The following AHCTF1 variants were observed in gnomAD, a reference collection of about 807,000 sequenced individuals.
The protein encoded by AHCTF1 is AT-hook containing transcription factor 1, also known as protein ELYS.
A neutral mutation model predicts 248.4 loss-of-function variants in AHCTF1; 24 were observed. The observed-to-expected ratio is 0.10, with a 90% CI of 0.07 to 0.14. The LOEUF is 0.14. Among genes scored for constraint, AHCTF1 ranks in the 10% least tolerant of loss-of-function variants. AHCTF1 has a pLI of 1.00. For synonymous variants in AHCTF1, 786 were observed against 929.8 expected (o/e 0.85, Z 2.81); for missense variants, 2,206 against 2,636.2 (o/e 0.84, Z 3.57).
At position 246,888,376 on chromosome 1, in the gene AHCTF1, A is replaced by C; in HGVS notation, c.2268+18T>G. On this transcript the variant is annotated intron_variant, in intron 18 of 35. Coordinates refer to ENST00000648844, the MANE Select transcript of AHCTF1 (RefSeq NM_001323342.2). Reference sequence around the variant, plus strand: ...AGCTTTGTAGACTCTAAATGATAGCACATTACTGCAAACCTACATGCAGAC... The same window carrying C: ...AGCTTTGTAGACTCTAAATGATAGCCCATTACTGCAAACCTACATGCAGAC... The C allele has an allele frequency of 3.7e-6, 6 of 1,612,842 alleles. No homozygotes were observed. The highest frequency in any genetic ancestry group is 5.1e-6 in the Non-Finnish European group (6 of 1,179,928).
At chr1:246,919,346 T>G (rs1434963735) in intron 1 of AHCTF1, among the ~76,000 whole-genome samples, 1 of 152,260 alleles carries the variant, frequency 6.6e-6, no homozygotes, top group East Asian at 1.9e-4. Flanking sequence ...ACCATGGCTC[T>G]GAGTCTCTTA....
chr1:246,843,648 G>A, intron 34 of AHCTF1, 147 bp downstream of exon 34: 1 of 695,504 alleles, frequency 1.4e-6, no homozygotes, highest in Non-Finnish European at 1.9e-6. Context: ...CTTTTGGTAT[G>A]CATGACTGTT....
At chr1:246,860,191 G>T (rs987242121) in intron 29 of AHCTF1, among the ~76,000 whole-genome samples, 387 of 23,932 alleles carry the variant, frequency 0.016, 2 homozygotes, top group African/African-American at 0.054. Context: ...ACCTGGTTGG[G>T]GGGGGGGCGG....
intron 14 of AHCTF1, among the ~76,000 whole-genome samples, chr1:246,892,561 T>A (rs970793151): frequency 6.6e-6 from 1 of 152,094 alleles, no homozygotes; most frequent in Non-Finnish European, 1.5e-5. Flanking sequence ...CCTCAGGTGA[T>A]CCGCCCGCCT....
intron 1 of AHCTF1, among the ~76,000 whole-genome samples, chr1:246,929,363 C>A (rs1224055971): frequency 6.6e-6 from 1 of 151,986 alleles, no homozygotes; most frequent in African/African-American, 2.4e-5. Context: ...GAGCCAAGAT[C>A]ACGCCATTGC....
rs1460385988 is a variant in AHCTF1 at position 246,853,317 on chromosome 1, G to C, written c.4355-18C>G. On this transcript the variant is annotated intron_variant, in intron 31 of 35. Transcript: ENST00000648844. ...AGCCATAGCTGAAAGAAAAATGAGT[G>C]AATTTTTTACATTTAAACTGAAAAA... The C allele has an allele frequency of 3.1e-6, 5 of 1,587,870 alleles. No homozygotes were observed. The African/African-American group carries it at 6.8e-5, about 21-fold the overall frequency.
intron 3 of AHCTF1, among the ~76,000 whole-genome samples, chr1:246,914,884 T>G (rs964707976): frequency 3.9e-5 from 6 of 152,210 alleles, no homozygotes; most frequent in Non-Finnish European, 7.3e-5. Flanking sequence ...GTGTTCTGAA[T>G]CTGCCCCATC....
rs749618388 is a variant in AHCTF1 at position 246,842,701 on chromosome 1, CTTGTT to C, written c.6596_6600del (p.Lys2199SerfsTer26). On this transcript the variant is annotated frameshift_variant, in exon 35 of 36. Transcript: ENST00000648844. LOFTEE classifies it low-confidence loss of function (END_TRUNC). ...CAGAACAGAAAGTCATACTTGCTTG[CTTGTT>C]TTGTTTTTGACGTCCTGATTCGTTT... 6.2e-7 allele frequency: 1 copy of C among 1,613,204 alleles called. No individual in the cohort carries two copies. The highest frequency in any genetic ancestry group is 1.1e-5 in the South Asian group (1 of 91,064).
At chr1:246,910,024 C>T (rs1665689408) in intron 4 of AHCTF1, among the ~76,000 whole-genome samples, 1 of 152,212 alleles carries the variant, frequency 6.6e-6, no homozygotes, top group Non-Finnish European at 1.5e-5. Context: ...ATCCACTGAT[C>T]ACTAATTGAA....
intron 1 of AHCTF1, among the ~76,000 whole-genome samples, chr1:246,920,291 T>C (rs1407420381): frequency 6.6e-6 from 1 of 152,006 alleles, no homozygotes; most frequent in African/African-American, 2.4e-5. Context: ...GTCTAATATA[T>C]TTGTGTAAAT....
rs2996543 is a variant in AHCTF1 at position 246,927,069 on chromosome 1, C to T, written c.-8+4509G>A. Among the ~76,000 whole-genome samples, 799 of 149,784 alleles carry T rather than the reference C, an allele frequency of 5.3e-3. 11 individuals carry two copies. Among genetic ancestry groups the T allele is most frequent in the African/African-American group, 0.017 (710 of 40,662 alleles). ...GACGGGAACCTGTAGTCCCAGGTAC[C>T]CGGGAGGCTGAGGAGGGAGAATGGC... On this transcript the variant is annotated intron_variant, in intron 1 of 35. Coordinates refer to ENST00000648844, the MANE Select transcript of AHCTF1 (RefSeq NM_001323342.2).
At chr1:246,890,784 G>A (rs1183331734) in intron 16 of AHCTF1, among the ~76,000 whole-genome samples, 172 bp downstream of exon 16, 2 of 152,192 alleles carry the variant, frequency 1.3e-5, no homozygotes, top group African/African-American at 4.8e-5. Context: ...GGCATAGGAT[G>A]AAGATACAAA....
At chr1:246,854,738 A>G (rs1660986449) in intron 31 of AHCTF1, among the ~76,000 whole-genome samples, 1 of 152,182 alleles carries the variant, frequency 6.6e-6, no homozygotes, top group South Asian at 2.1e-4. Context: ...AAAACTATTA[A>G]TATTTTACCA....
chr1:246,929,207 G>A (rs1355260105), intron 1 of AHCTF1, among the ~76,000 whole-genome samples: 2 of 152,020 alleles, frequency 1.3e-5, no homozygotes, highest in Non-Finnish European at 2.9e-5. Context: ...TCAGGAGTTC[G>A]AGATCACCCT....
rs753888818 is a variant in AHCTF1 at position 246,898,284 on chromosome 1, T to C, written c.1547A>G (p.Asp516Gly). The change falls in exon 12 of 36, where the codon GAT (aspartate) becomes GGT (glycine). Residue 516 changes from aspartate (D) to glycine (G), a missense_variant. Physicochemically the swap from Asp to Gly is moderately conservative, Grantham distance 94. Coordinates refer to ENST00000648844, the MANE Select transcript of AHCTF1 (RefSeq NM_001323342.2). ...AGCTACAAGACATCGATTATAACCA[T>C]CAGGAATGAGTTCATTGAGTGATGG... Reference protein sequence around the residue: ...SGPSLNELIPDGYNRCLVAGL... With the variant: ...SGPSLNELIPGGYNRCLVAGL... The C allele has an allele frequency of 1.2e-6, 2 of 1,613,096 alleles. No individual in the cohort carries two copies. Among genetic ancestry groups the C allele is most frequent in the African/African-American group, 1.3e-5 (1 of 75,020 alleles).
At chr1:246,920,724 C>G (rs368072334) in intron 1 of AHCTF1, among the ~76,000 whole-genome samples, 1 of 149,814 alleles carries the variant, frequency 6.7e-6, no homozygotes, top group Admixed American at 6.7e-5. Context: ...GAGCCGAGAT[C>G]GCACCACTGC....
intron 4 of AHCTF1, among the ~76,000 whole-genome samples, chr1:246,911,946 T>C (rs978184841): frequency 3.3e-5 from 5 of 152,070 alleles, no homozygotes; most frequent in African/African-American, 1.2e-4. Flanking sequence ...TGTTTTTGTT[T>C]TCTTTGAGAT....
Position 246,849,647 on chromosome 1 carries a change from G to C in AHCTF1, c.6359C>G (p.Ser2120Cys), listed in dbSNP as rs1455894465. The change falls in exon 33 of 36, where the codon TCT becomes TGT. Residue 2120 changes from serine to cysteine, a missense_variant. By Grantham distance (112) the Ser-to-Cys change is moderately radical. Coordinates refer to ENST00000648844, the MANE Select transcript of AHCTF1 (RefSeq NM_001323342.2). ...LSEPNNEPLF[S>C]PASEVPRKAK... ...TTTCCTTGGAACTTCTGACGCTGGA[G>C]AAAATAAAGGCTCATTGTTTGGTTC... 3.1e-6 allele frequency: 5 copies of C among 1,610,292 alleles called. No homozygotes were observed. Among genetic ancestry groups the C allele is most frequent in the Middle Eastern group, 1.7e-4 (1 of 6,034 alleles).
At chr1:246,869,436 G>A (rs2103088223) in intron 24 of AHCTF1, among the ~76,000 whole-genome samples, 1 of 152,250 alleles carries the variant, frequency 6.6e-6, no homozygotes, top group Middle Eastern at 3.4e-3. Context: ...ATGCAAAAAA[G>A]AACCTGAAGG....
Sources: gnomAD v4.1 joint callset for allele counts (sites outside exome capture counted in the v4.1 genomes callset) on GRCh38, gnomAD v4.1.1 for gene constraint, MANE v1.5 for transcripts, NCBI Gene and HGNC (gene_info 2026-07-23, HGNC 2026-07-21) for gene names.